The following EPB41L1 variants were observed in gnomAD, a reference collection of about 807,000 sequenced individuals.
EPB41L1 encodes band 4.1-like protein 1.
A neutral mutation model predicts 97.8 loss-of-function variants in EPB41L1; 29 were observed. That is an observed-to-expected ratio of 0.30 (90% CI 0.22 to 0.40). The LOEUF is 0.40. Ranked by LOEUF, EPB41L1 falls within the 10% of genes least tolerant of loss-of-function variation. The probability of loss-of-function intolerance (pLI) is 1.00; values close to 1 mark genes in which losing one functional copy is unlikely to be tolerated. For synonymous variants in EPB41L1, 383 were observed against 459.2 expected (o/e 0.83, Z 2.12); for missense variants, 812 against 1,162.3 (o/e 0.70, Z 4.38).
chr20:36,180,588 C>T (rs1382832436), intron 5 of EPB41L1, among the ~76,000 whole-genome samples: 6 of 152,160 alleles, frequency 3.9e-5, no homozygotes, highest in African/African-American at 1.4e-4. Flanking sequence ...ACACTGAGGC[C>T]AGACTGCCTG....
chr20:36,166,192 C>A (rs760555614), intron 1 of EPB41L1, among the ~76,000 whole-genome samples: 4 of 152,220 alleles, frequency 2.6e-5, no homozygotes, highest in Non-Finnish European at 4.4e-5. Context: ...ATGTGTTCAA[C>A]CTTTTATCCA....
At chr20:36,208,849 G>A (rs953709666) in intron 14 of EPB41L1, among the ~76,000 whole-genome samples, 9 of 152,136 alleles carry the variant, frequency 5.9e-5, no homozygotes, top group African/African-American at 2.4e-5. Context: ...CTTGCCTGTG[G>A]TCCACTCATG....
chr20:36,128,203 A>G (rs2059049215), intron 2 of EPB41L1, among the ~76,000 whole-genome samples: 1 of 152,136 alleles, frequency 6.6e-6, no homozygotes, highest in South Asian at 2.1e-4. Flanking sequence ...AGGAATAATA[A>G]TGCCACCTCA....
At chr20:36,153,027 C>T (rs1016378843), upstream of EPB41L1, 13 of 456,618 alleles carry the variant, frequency 2.8e-5, no homozygotes, top group African/African-American at 2.4e-4. Flanking sequence ...TGCTCTTCAT[C>T]CGCTGCTGAA....
At chr20:36,178,699 G>A in intron 5 of EPB41L1, 27 bp downstream of exon 5, 1 of 1,613,400 alleles carries the variant, frequency 6.2e-7, no homozygotes, top group Non-Finnish European at 8.5e-7. Context: ...GTTTGGGGAG[G>A]TGGGTGGGTG....
intron 1 of EPB41L1, among the ~76,000 whole-genome samples, chr20:36,108,423 C>T (rs1481999375): frequency 6.6e-6 from 1 of 151,800 alleles, no homozygotes; most frequent in Non-Finnish European, 1.5e-5. Flanking sequence ...ACCTGTAATC[C>T]CAGCACTTTG....
intron 1 of EPB41L1, among the ~76,000 whole-genome samples, chr20:36,097,820 G>A (rs2057882100): frequency 6.6e-6 from 1 of 152,252 alleles, no homozygotes. Context: ...AGGGATGAGG[G>A]TGGAGGAGTG....
intron 2 of EPB41L1, chr20:36,125,437 C>A: frequency 1.2e-6 from 1 of 828,950 alleles, no homozygotes; most frequent in Non-Finnish European, 2.0e-6. Context: ...CTGTTCGTAC[C>A]TGCCTCATGG....
chr20:36,159,047 G>A (rs1192177775), intron 1 of EPB41L1, among the ~76,000 whole-genome samples: 1 of 152,192 alleles, frequency 6.6e-6, no homozygotes, highest in Admixed American at 6.5e-5. Flanking sequence ...GGGCTGGGGA[G>A]GGATCAAGAT....
chr20:36,117,435 C>A (rs1366425759), intron 2 of EPB41L1, among the ~76,000 whole-genome samples: 1 of 152,154 alleles, frequency 6.6e-6, no homozygotes, highest in Non-Finnish European at 1.5e-5. Flanking sequence ...TTTCATAATT[C>A]TTCTGTCCTT....
chr20:36,140,840 AC>A (rs751678456), intron 2 of EPB41L1, among the ~76,000 whole-genome samples: 1 of 151,752 alleles, frequency 6.6e-6, no homozygotes, highest in Admixed American at 6.6e-5. Context: ...CCGACTAGCC[AC>A]CCCCTCCCCT....
At chr20:36,220,786 T>C (rs948927372) in intron 19 of EPB41L1, among the ~76,000 whole-genome samples, 7 of 152,122 alleles carry the variant, frequency 4.6e-5, no homozygotes, top group Admixed American at 4.6e-4. Flanking sequence ...CAAGGGCTAG[T>C]TGGGAGGCAG....
chr20:36,132,150 C>A (rs945607798), intron 2 of EPB41L1, among the ~76,000 whole-genome samples: 4 of 152,128 alleles, frequency 2.6e-5, no homozygotes, highest in African/African-American at 9.7e-5. Context: ...CTAATGCTGC[C>A]CTAACAAATG....
At chr20:36,095,337 A>T (rs2057794052) in intron 1 of EPB41L1, among the ~76,000 whole-genome samples, 1 of 151,990 alleles carries the variant, frequency 6.6e-6, no homozygotes, top group Admixed American at 6.5e-5. Flanking sequence ...CAAACTCCTG[A>T]CCTCAAGGGA....
chr20:36,216,416 G>A (rs953051019), intron 17 of EPB41L1, among the ~76,000 whole-genome samples: 4 of 152,202 alleles, frequency 2.6e-5, no homozygotes, highest in Non-Finnish European at 4.4e-5. Flanking sequence ...AGCTGGAAAG[G>A]AAGGCTAGGC....
At chr20:36,208,776 G>C (rs529276038) in intron 14 of EPB41L1, among the ~76,000 whole-genome samples, 1 of 152,128 alleles carries the variant, frequency 6.6e-6, no homozygotes, top group Non-Finnish European at 1.5e-5. Flanking sequence ...CTGGTTCCCC[G>C]AGGCACTGCC....
At chr20:36,224,738 T>A (rs2064006380) in intron 21 of EPB41L1, among the ~76,000 whole-genome samples, 1 of 152,204 alleles carries the variant, frequency 6.6e-6, no homozygotes, top group Admixed American at 6.5e-5. Context: ...GAAATTAAAA[T>A]TTTCTATTTA....
chr20:36,192,536 A>AAC, intron 11 of EPB41L1, among the ~76,000 whole-genome samples: 1 of 151,548 alleles, frequency 6.6e-6, no homozygotes, highest in East Asian at 1.9e-4. Flanking sequence ...CGTCTCAAAA[A>AAC]AAAAAAAAAA....
intron 21 of EPB41L1, among the ~76,000 whole-genome samples, chr20:36,226,912 T>C (rs113198974): frequency 5.9e-4 from 90 of 152,326 alleles, no homozygotes; most frequent in African/African-American, 2.1e-3. Context: ...AAGTGCAGCC[T>C]GTTACTGTAA....
Sources: allele counts gnomAD v4.1 joint callset (sites outside exome capture counted in the v4.1 genomes callset), GRCh38; gene constraint gnomAD v4.1.1; transcripts MANE v1.5; gene names NCBI Gene and HGNC (gene_info 2026-07-23, HGNC 2026-07-21).